The following SNX3 variants were observed in gnomAD, a reference collection of about 807,000 sequenced individuals.
The protein encoded by SNX3 is sorting nexin-3.
A neutral mutation model predicts 17.7 loss-of-function variants in SNX3; 5 were observed. That is an observed-to-expected ratio of 0.28 (90% CI 0.15 to 0.59). SNX3 has a LOEUF of 0.59. Ranked by LOEUF, SNX3 falls within the 20% of genes least tolerant of loss-of-function variation. The pLI is 0.88. For synonymous variants in SNX3, 91 were observed against 76.5 expected (o/e 1.19, Z -0.99); for missense variants, 132 against 206.8 (o/e 0.64, Z 2.22).
intron 1 of SNX3, among the ~76,000 whole-genome samples, chr6:108,234,853 C>A (rs2114734871): frequency 6.6e-6 from 1 of 152,264 alleles, no homozygotes; most frequent in Admixed American, 6.5e-5. Context: ...CCTGCATTAA[C>A]CAGCTATCTA....
At chr6:108,251,027 T>C (rs953747566) in intron 1 of SNX3, among the ~76,000 whole-genome samples, 5 of 151,724 alleles carry the variant, frequency 3.3e-5, no homozygotes, top group East Asian at 3.9e-4. Context: ...GCAACTACAA[T>C]GGTGGTCCTA....
chr6:108,223,494 G>GTT (rs1562422738), intron 1 of SNX3, among the ~76,000 whole-genome samples: 1 of 99,328 alleles, frequency 1.0e-5, no homozygotes, highest in African/African-American at 5.0e-5. Context: ...AACTTTGCTA[G>GTT]TTCTTTTTTT....
intron 2 of SNX3, among the ~76,000 whole-genome samples, chr6:108,215,487 AG>A (rs1554260475): frequency 6.6e-6 from 1 of 152,232 alleles, no homozygotes; most frequent in Non-Finnish European, 1.5e-5. Context: ...TTAAGAAACA[AG>A]TCAACTTTCT....
At chr6:108,251,326 T>C (rs1775850955) in intron 1 of SNX3, among the ~76,000 whole-genome samples, 1 of 152,162 alleles carries the variant, frequency 6.6e-6, no homozygotes, top group Admixed American at 6.6e-5. Context: ...TAACAGATGA[T>C]CACAGTGTAG....
intron 2 of SNX3, among the ~76,000 whole-genome samples, chr6:108,217,223 T>C (rs1190724221): frequency 1.3e-5 from 2 of 150,796 alleles, no homozygotes; most frequent in Admixed American, 1.3e-4. Context: ...ACAATATATA[T>C]ATAATTAAAT....
intron 1 of SNX3, among the ~76,000 whole-genome samples, chr6:108,235,266 G>C (rs1325481211): frequency 1.3e-5 from 2 of 152,158 alleles, no homozygotes; most frequent in African/African-American, 4.8e-5. Context: ...CCATGAAGGA[G>C]AACTGAGGAC....
At chr6:108,232,806 G>C (rs374145288) in intron 1 of SNX3, among the ~76,000 whole-genome samples, 3 of 152,156 alleles carry the variant, frequency 2.0e-5, no homozygotes, top group African/African-American at 7.2e-5. Flanking sequence ...AAGTGCTTAA[G>C]CTATTGCTTC....
intron 1 of SNX3, among the ~76,000 whole-genome samples, chr6:108,260,315 G>A (rs1252853311): frequency 1.3e-5 from 2 of 152,248 alleles, no homozygotes; most frequent in Non-Finnish European, 2.9e-5. Context: ...AGCTCGGGAA[G>A]GGCCTGGAGC....
chr6:108,213,823 C>T (rs1009391665), intron 3 of SNX3, among the ~76,000 whole-genome samples: 1 of 152,182 alleles, frequency 6.6e-6, no homozygotes, highest in Non-Finnish European at 1.5e-5. Flanking sequence ...ACAGTGTAAG[C>T]TCACATTACC....
chr6:108,223,497 C>CTTTTTTTTTTTTT lies in SNX3; in HGVS notation c.163-465_163-453dup, dbSNP rs59920022. 2.1e-4 allele frequency among the ~76,000 whole-genome samples: 23 copies of CTTTTTTTTTTTTT among 110,368 alleles called. 2 individuals are homozygous for CTTTTTTTTTTTTT. The highest frequency in any genetic ancestry group is 9.7e-4 in the African/African-American group (23 of 23,782). The allele number at this position is 110,368 out of a possible 152,430, so 72.4% of individuals were successfully genotyped here. A position where few individuals can be genotyped will look rare whatever the true frequency, so the allele number is the denominator to read the frequency against. On this transcript the variant is annotated intron_variant, in intron 1 of 3. Coordinates refer to ENST00000230085, the MANE Select transcript of SNX3 (RefSeq NM_003795.6). ...ATAACAAAATAAAACTTTGCTAGTT[C>CTTTTTTTTTTTTT]TTTTTTTTTTTTTTTTTTTTTTTTT...
chr6:108,252,043 C>A (rs1454870744), intron 1 of SNX3, among the ~76,000 whole-genome samples: 2 of 141,720 alleles, frequency 1.4e-5, no homozygotes, highest in African/African-American at 2.8e-5. Context: ...CCAGCCTGGG[C>A]AACAGGGTGA....
In SNX3 at chr6:108,225,091, G is replaced by C. The variant is rs1015000521; in HGVS notation, c.163-2046C>G. Among the ~76,000 whole-genome samples the C allele has an allele frequency of 6.6e-5, 10 of 152,168 alleles. 1 individual carries two copies. Among genetic ancestry groups the C allele is most frequent in the Admixed American group, 2.0e-4 (3 of 15,276 alleles). On this transcript the variant is annotated intron_variant, in intron 1 of 3. Coordinates refer to ENST00000230085, the MANE Select transcript of SNX3 (RefSeq NM_003795.6). ...AGGTCAGGAGATCGAGACCATCCTG[G>C]CTAACAGGTGAAACCTCGTTTCTAC...
intron 2 of SNX3, among the ~76,000 whole-genome samples, chr6:108,221,403 T>C (rs1774766256): frequency 6.6e-6 from 1 of 151,926 alleles, no homozygotes; most frequent in South Asian, 2.1e-4. Context: ...GGGACCTTAA[T>C]TTGTTCATAG....
intron 1 of SNX3, among the ~76,000 whole-genome samples, chr6:108,241,836 A>T (rs1775532259): frequency 6.6e-6 from 1 of 152,204 alleles, no homozygotes; most frequent in Non-Finnish European, 1.5e-5. Flanking sequence ...AGACAGGAGG[A>T]TAAAAAGTCA....
intron 1 of SNX3, among the ~76,000 whole-genome samples, chr6:108,241,650 C>T (rs967138131): frequency 1.3e-5 from 2 of 152,024 alleles, no homozygotes; most frequent in Admixed American, 1.3e-4. Context: ...ATCACCACCT[C>T]ATACTACAGA....
chr6:108,248,859 C>G (rs1775767638), intron 1 of SNX3, among the ~76,000 whole-genome samples: 1 of 151,994 alleles, frequency 6.6e-6, no homozygotes, highest in Non-Finnish European at 1.5e-5. Context: ...CTCCTTGGCT[C>G]AAATGATTCT....
intron 1 of SNX3, among the ~76,000 whole-genome samples, chr6:108,228,366 T>C (rs1011781554): frequency 1.3e-4 from 20 of 152,076 alleles, no homozygotes; most frequent in Admixed American, 1.2e-3. Flanking sequence ...CTGGACAACA[T>C]GGTGAAACCC....
chr6:108,251,373 T>C (rs1026810168), intron 1 of SNX3, among the ~76,000 whole-genome samples: 7 of 152,180 alleles, frequency 4.6e-5, no homozygotes, highest in African/African-American at 1.7e-4. Flanking sequence ...ACCACAACCA[T>C]TTGTTAATGT....
At chr6:108,245,573 C>A (rs978864460) in intron 1 of SNX3, among the ~76,000 whole-genome samples, 2 of 152,220 alleles carry the variant, frequency 1.3e-5, no homozygotes, top group African/African-American at 4.8e-5. Context: ...CTCCCACCAA[C>A]AGTGTAAAAG....
Sources: allele counts gnomAD v4.1 joint callset (sites outside exome capture counted in the v4.1 genomes callset), GRCh38; gene constraint gnomAD v4.1.1; transcripts MANE v1.5; gene names NCBI Gene and HGNC (gene_info 2026-07-23, HGNC 2026-07-21).